ZBTB8A: variants seen among roughly 807,000 people sequenced by gnomAD.
ZBTB8A encodes zinc finger and BTB domain containing 8A, also known as zinc finger and BTB domain-containing protein 8A.
A neutral mutation model predicts 37.8 loss-of-function variants in ZBTB8A; 19 were observed. The ratio of observed to expected loss-of-function variants is 0.50; its 90% CI spans 0.35 to 0.74. The LOEUF (loss-of-function observed/expected upper bound fraction) is 0.74, where lower values mean the gene tolerates loss of function less well. Among genes scored for constraint, ZBTB8A ranks in the 30% least tolerant of loss-of-function variants. The pLI is 0.01. For synonymous variants in ZBTB8A, 181 were observed against 185.2 expected, an observed-to-expected ratio of 0.98 and a Z score of 0.19; for missense variants, 394 against 537.8, an observed-to-expected ratio of 0.73 and a Z score of 2.65.
chr1:32,565,619 G>A (rs1001241329), intron 2 of ZBTB8A, among the ~76,000 whole-genome samples: 1 of 152,144 alleles, frequency 6.6e-6, no homozygotes, highest in African/African-American at 2.4e-5. Flanking sequence ...ACCTACTGCA[G>A]TCCAACCTGG....
chr1:32,590,894 T>G (rs561283745), intron 2 of ZBTB8A, among the ~76,000 whole-genome samples: 1 of 151,954 alleles, frequency 6.6e-6, no homozygotes. Flanking sequence ...TTGTTGAATT[T>G]AATTTAACTT....
At position 32,601,333 on chromosome 1, in the gene ZBTB8A, G is replaced by T; in HGVS notation, c.*914G>T. The T allele has an allele frequency of 4.4e-6, 1 of 225,150 alleles. No homozygotes were observed. The highest frequency in any genetic ancestry group is 2.3e-5 in the African/African-American group (1 of 44,230). The allele number at this position is 225,150 out of a possible 1,614,324, so 13.9% of individuals were successfully genotyped here. A position where few individuals can be genotyped will look rare whatever the true frequency, so the allele number is the denominator to read the frequency against. ...TACTAAAAAATACAAAATTAGCCGGGCATGGTGGCGGGTGCCTATAATCCC... is the reference window on the plus strand; with the variant it reads ...TACTAAAAAATACAAAATTAGCCGGTCATGGTGGCGGGTGCCTATAATCCC... On this transcript the variant is annotated 3_prime_UTR_variant, in exon 5 of 5. Coordinates refer to ENST00000373510, the MANE Select transcript of ZBTB8A (RefSeq NM_001040441.3).
At chr1:32,586,526 A>G (rs978053365) in intron 2 of ZBTB8A, among the ~76,000 whole-genome samples, 4 of 152,062 alleles carry the variant, frequency 2.6e-5, no homozygotes, top group Admixed American at 2.0e-4. Context: ...AGAGAGTGAG[A>G]AGGAGTGCTT....
Position 32,595,575 on chromosome 1 carries a change from G to GTT in ZBTB8A, c.993+363_993+364dup, listed in dbSNP as rs774985098. Among the ~76,000 whole-genome samples the GTT allele has an allele frequency of 7.0e-5, 9 of 129,434 alleles. 1 individual carries two copies. The highest frequency in any genetic ancestry group is 1.7e-4 in the African/African-American group (6 of 35,240). 84.9% of individuals were successfully genotyped at this position (129,434 alleles called of 152,430 possible). On this transcript the variant is annotated intron_variant, in intron 4 of 4. Coordinates refer to ENST00000373510, the MANE Select transcript of ZBTB8A (RefSeq NM_001040441.3). ...GAGCCACCACGCCCGGCCTTGTTTT[G>GTT]TTTTTTTTTTTTGAGACAGGGTCTC...
At chr1:32,560,998 G>GGTCTC (rs1644240206) in intron 2 of ZBTB8A, among the ~76,000 whole-genome samples, 1 of 151,900 alleles carries the variant, frequency 6.6e-6, no homozygotes, top group African/African-American at 2.4e-5. Context: ...CACTGCCAAT[G>GGTCTC]ATGTTCTTAC....
intron 2 of ZBTB8A, among the ~76,000 whole-genome samples, chr1:32,558,217 G>T (rs1045271900): frequency 6.6e-6 from 1 of 152,032 alleles, no homozygotes; most frequent in African/African-American, 2.4e-5. Context: ...ACAAAATTAC[G>T]TTTCTGATCA....
rs137984457 is a variant in ZBTB8A, at chr1:32,587,020, G to A, written c.-1-5911G>A. On this transcript the variant is annotated intron_variant, in intron 2 of 4. Coordinates refer to ENST00000373510, the MANE Select transcript of ZBTB8A (RefSeq NM_001040441.3). ...AGCACTTTGGGAGGCCGAGGCGGGC[G>A]GTTGAGGTCAGGAGTTCGAGACCAG... 5.7e-3 allele frequency among the ~76,000 whole-genome samples: 864 copies of A among 152,170 alleles called. 20 individuals carry two copies. The East Asian group carries it at 0.078, about 14-fold the overall frequency.
intron 1 of ZBTB8A, among the ~76,000 whole-genome samples, chr1:32,540,896 G>T (rs557563099): frequency 6.6e-6 from 1 of 152,306 alleles, no homozygotes; most frequent in East Asian, 1.9e-4. Context: ...TGGGTGGATT[G>T]TGCTCTAAAA....
intron 2 of ZBTB8A, among the ~76,000 whole-genome samples, chr1:32,586,057 C>T (rs1042357656): frequency 6.6e-6 from 1 of 151,160 alleles, no homozygotes; most frequent in African/African-American, 2.4e-5. Flanking sequence ...GTGGCTCATG[C>T]CTGTAATGTC....
rs141875494 is a variant in ZBTB8A, at chr1:32,585,913, G to A, written c.-1-7018G>A. ...AGCTACTCAGGAGGCTGAGGCAGGA[G>A]AATTGCTTGAACCCAGGAGGTGGAG... On this transcript the variant is annotated intron_variant, in intron 2 of 4. Transcript: ENST00000373510. 1.7e-4 allele frequency among the ~76,000 whole-genome samples: 26 copies of A among 152,132 alleles called. No individual in the cohort carries two copies. In the East Asian group the frequency reaches 4.6e-3, roughly 27 times the overall value.
chr1:32,541,563 C>T (rs867430766), intron 1 of ZBTB8A, among the ~76,000 whole-genome samples: 1 of 152,156 alleles, frequency 6.6e-6, no homozygotes, highest in Non-Finnish European at 1.5e-5. Context: ...TATAAAAATA[C>T]TTTGGGACTG....
At chr1:32,581,218 A>T (rs1460526577) in intron 2 of ZBTB8A, among the ~76,000 whole-genome samples, 21 of 794 alleles carry the variant, frequency 0.026, no homozygotes, top group African/African-American at 0.1. Context: ...TATTATATAT[A>T]ATATAATATA....
At chr1:32,548,495 C>T (rs1415173117) in intron 1 of ZBTB8A, among the ~76,000 whole-genome samples, 3 of 151,978 alleles carry the variant, frequency 2.0e-5, no homozygotes, top group East Asian at 1.9e-4. Context: ...CCATCATGCC[C>T]GGCTAATTTT....
At chr1:32,568,376 G>T (rs1214830268) in intron 2 of ZBTB8A, among the ~76,000 whole-genome samples, 1 of 151,338 alleles carries the variant, frequency 6.6e-6, no homozygotes, top group Non-Finnish European at 1.5e-5. Flanking sequence ...CGTGATTATA[G>T]ATTAGTTCTG....
chr1:32,555,634 CCT>C (rs1239359876), intron 2 of ZBTB8A, among the ~76,000 whole-genome samples: 3 of 152,114 alleles, frequency 2.0e-5, no homozygotes, highest in African/African-American at 7.2e-5. Context: ...TCCAGGTTCC[CCT>C]CTCAGCCCAT....
At chr1:32,567,663 G>C (rs1644290566) in intron 2 of ZBTB8A, among the ~76,000 whole-genome samples, 1 of 150,492 alleles carries the variant, frequency 6.6e-6, no homozygotes, top group Non-Finnish European at 1.5e-5. Context: ...GTGATGGTGG[G>C]CGCCTGTAGT....
intron 1 of ZBTB8A, among the ~76,000 whole-genome samples, chr1:32,547,828 C>CAAAAAAAAAAAAAAAAA (rs1194254576): frequency 1.1e-3 from 35 of 30,468 alleles, no homozygotes; most frequent in Middle Eastern, 0.026. Flanking sequence ...ACAAACAAAG[C>CAAAAAAAAAAAAAAAAA]AAAAAAAAAA....
intron 2 of ZBTB8A, among the ~76,000 whole-genome samples, chr1:32,558,222 T>C (rs952696054): frequency 5.9e-5 from 9 of 152,132 alleles, no homozygotes; most frequent in Admixed American, 5.2e-4. Context: ...ATTACGTTTC[T>C]GATCAGTTTC....
chr1:32,591,419 A>G (rs1644487394), intron 2 of ZBTB8A, among the ~76,000 whole-genome samples: 1 of 151,792 alleles, frequency 6.6e-6, no homozygotes, highest in Non-Finnish European at 1.5e-5. Flanking sequence ...GGGTCTTGCT[A>G]TGTTGAACAG....
Sources: gnomAD v4.1 joint callset for allele counts (sites outside exome capture counted in the v4.1 genomes callset) on GRCh38, gnomAD v4.1.1 for gene constraint, MANE v1.5 for transcripts, NCBI Gene and HGNC (gene_info 2026-07-23, HGNC 2026-07-21) for gene names.